C1GALT1: variants seen among roughly 807,000 people sequenced by gnomAD.
The protein encoded by C1GALT1 is core 1 synthase, glycoprotein-N-acetylgalactosamine 3-beta-galactosyltransferase 1, also known as glycoprotein-N-acetylgalactosamine 3-beta-galactosyltransferase 1.
C1GALT1 carries 11 observed loss-of-function variants against 31.0 expected under a neutral mutation model. The ratio of observed to expected loss-of-function variants is 0.36; its 90% CI spans 0.22 to 0.59. The LOEUF (loss-of-function observed/expected upper bound fraction) is 0.59. C1GALT1 is among the 20% of genes least tolerant of loss of function. C1GALT1 has a pLI of 0.79. For missense variants in C1GALT1, 424 were observed against 425.2 expected (o/e 1.00, Z 0.03); for synonymous variants, 175 against 143.6 (o/e 1.22, Z -1.56).
intron 3 of C1GALT1, among the ~76,000 whole-genome samples, chr7:7,240,933 G>T (rs1783598815): frequency 6.6e-6 from 1 of 151,630 alleles, no homozygotes; most frequent in African/African-American, 2.4e-5. Flanking sequence ...AGCAAGTCAG[G>T]GTAAAAGATA....
chr7:7,221,294 AT>A (rs1042013565), intron 1 of C1GALT1, among the ~76,000 whole-genome samples: 1 of 151,676 alleles, frequency 6.6e-6, no homozygotes, highest in African/African-American at 2.4e-5. Flanking sequence ...GAGGTTTTCA[AT>A]TTTCTTACAT....
chr7:7,186,596 T>C (rs1780825715), intron 1 of C1GALT1, among the ~76,000 whole-genome samples: 1 of 152,178 alleles, frequency 6.6e-6, no homozygotes. Flanking sequence ...GATGAATAAG[T>C]AAAATAATAT....
intron 1 of C1GALT1, among the ~76,000 whole-genome samples, chr7:7,228,789 A>G (rs1353022616): frequency 6.6e-6 from 1 of 152,218 alleles, no homozygotes; most frequent in Non-Finnish European, 1.5e-5. Context: ...TTTTAAAGTT[A>G]AAAACAATTA....
At chr7:7,217,974 G>A (rs184830172) in intron 1 of C1GALT1, among the ~76,000 whole-genome samples, 1 of 152,314 alleles carries the variant, frequency 6.6e-6, no homozygotes, top group Non-Finnish European at 1.5e-5. Context: ...ACTGGTGAGA[G>A]AAAGACACAT....
At chr7:7,203,759 C>G (rs1043701726) in intron 1 of C1GALT1, among the ~76,000 whole-genome samples, 1 of 151,826 alleles carries the variant, frequency 6.6e-6, no homozygotes, top group African/African-American at 2.4e-5. Flanking sequence ...TGTTACAGTA[C>G]ATATAATGTA....
chr7:7,221,684 C>T (rs1041465684), intron 1 of C1GALT1, among the ~76,000 whole-genome samples: 1 of 152,168 alleles, frequency 6.6e-6, no homozygotes, highest in South Asian at 2.1e-4. Flanking sequence ...AATGCAAATC[C>T]AAACAAAGTG....
rs141263670 is a variant in C1GALT1, at chr7:7,210,753, T to TAGGGCA, written c.-17-23541_-17-23536dup. On this transcript the variant is annotated intron_variant, in intron 1 of 3. Coordinates refer to ENST00000436587, the MANE Select transcript of C1GALT1 (RefSeq NM_020156.5). ...CGCTCGTCGGGATTCCAGGAACATG[T>TAGGGCA]AGGGCAAGGGCAAGAAGGCTGTGGG... is the stretch of plus-strand genomic sequence containing the variant. Among the ~76,000 whole-genome samples the TAGGGCA allele has an allele frequency of 5.9e-5, 9 of 152,232 alleles. No individual in the cohort carries two copies. In the East Asian group the frequency reaches 1.7e-3, roughly 29 times the overall value.
intron 3 of C1GALT1, among the ~76,000 whole-genome samples, chr7:7,242,326 C>A (rs1287498937): frequency 2.0e-5 from 3 of 148,240 alleles, no homozygotes; most frequent in African/African-American, 7.5e-5. Flanking sequence ...TTCCTATTTG[C>A]TTTTATTCTG....
At chr7:7,162,299 T>C (rs895919456) in intron 2 of C1GALT1, among the ~76,000 whole-genome samples, 3 of 122,884 alleles carry the variant, frequency 2.4e-5, no homozygotes. Flanking sequence ...CAGAGTGTGA[T>C]GTTCCCTTTC....
chr7:7,208,158 C>T (rs10275169), intron 1 of C1GALT1, among the ~76,000 whole-genome samples: 1 of 151,918 alleles, frequency 6.6e-6, no homozygotes, highest in Non-Finnish European at 1.5e-5. Flanking sequence ...TAGGTTGACT[C>T]TCGTGGTATT....
In C1GALT1 at chr7:7,238,523, T is replaced by C; in HGVS notation, c.489T>C (p.Asp163=). Residue 163 remains aspartate, a synonymous_variant, in exon 3 of 4, where the codon GAT becomes GAC. Transcript: ENST00000436587. This position sits in a 1 kb window ranked among gnomAD's most constrained non-coding sequence, Gnocchi z 5.2. ...YVHEHYLEDA[D]WFLKADDDTY... ...ATGAACATTATTTAGAAGATGCTGA[T>C]TGGTTTTTGAAAGCAGATGATGACA... 6.2e-7 allele frequency: 1 copy of C among 1,614,148 alleles called. No individual in the cohort carries two copies. Among genetic ancestry groups the C allele is most frequent in the Non-Finnish European group, 8.5e-7 (1 of 1,179,994 alleles).
chr7:7,165,982 G>A (rs1340174833), intron 2 of C1GALT1, among the ~76,000 whole-genome samples: 6 of 152,146 alleles, frequency 3.9e-5, no homozygotes, highest in African/African-American at 1.4e-4. Flanking sequence ...ATTTCATTAT[G>A]TATATGCAAA....
chr7:7,166,047 T>G (rs1169043215), intron 2 of C1GALT1, among the ~76,000 whole-genome samples: 2 of 152,178 alleles, frequency 1.3e-5, no homozygotes, highest in Non-Finnish European at 2.9e-5. Flanking sequence ...CCCAGGCACT[T>G]GAGATAAGGG....
intron 1 of C1GALT1, among the ~76,000 whole-genome samples, chr7:7,227,803 C>T (rs1782845334): frequency 6.6e-6 from 1 of 152,028 alleles, no homozygotes; most frequent in African/African-American, 2.4e-5. Flanking sequence ...ATGCTCTGTG[C>T]CACCTCAAGA....
At chr7:7,219,174 G>A (rs1460492089) in intron 1 of C1GALT1, among the ~76,000 whole-genome samples, 2 of 152,166 alleles carry the variant, frequency 1.3e-5, no homozygotes, top group Non-Finnish European at 2.9e-5. Context: ...CATGATTTGT[G>A]TTAACAGGTA....
chr7:7,186,876 G>T (rs1026559111), intron 1 of C1GALT1, among the ~76,000 whole-genome samples: 3 of 152,210 alleles, frequency 2.0e-5, no homozygotes, highest in Admixed American at 6.5e-5. Flanking sequence ...AAGGGGTGGA[G>T]TAGGATGCAG....
intron 1 of C1GALT1, among the ~76,000 whole-genome samples, chr7:7,183,248 C>T (rs981173006): frequency 1.3e-5 from 2 of 152,056 alleles, no homozygotes; most frequent in African/African-American, 4.8e-5. Flanking sequence ...CGCCCCGCCG[C>T]AGACCTGTGG....
intron 2 of C1GALT1, among the ~76,000 whole-genome samples, chr7:7,163,936 T>C (rs1780365547): frequency 6.6e-6 from 1 of 151,940 alleles, no homozygotes; most frequent in African/African-American, 2.4e-5. Flanking sequence ...AAGCTACCAA[T>C]GACTTTCTTC....
Position 7,182,644 on chromosome 7 carries a change from T to G in C1GALT1, c.-194T>G, listed in dbSNP as rs1780632599. The G allele has an allele frequency of 3.6e-6, 1 of 278,176 alleles. No homozygotes were observed. Among genetic ancestry groups the G allele is most frequent in the Admixed American group, 6.5e-5 (1 of 15,386 alleles). The allele number at this position is 278,176 out of a possible 1,614,324, so 17.2% of individuals were successfully genotyped here. On this transcript the variant is annotated 5_prime_UTR_variant, in exon 1 of 4. Transcript: ENST00000436587. ...GGCGGGAGCGCGCGCTGGGCCCGCC[T>G]TGGCCGCCGCCGCTGTGCTGCCGCT...
Sources: gnomAD v4.1 joint callset for allele counts (sites outside exome capture counted in the v4.1 genomes callset) on GRCh38, gnomAD v4.1.1 for gene constraint, Gnocchi (gnomAD v3.1) non-coding constraint, MANE v1.5 for transcripts, NCBI Gene and HGNC (gene_info 2026-07-23, HGNC 2026-07-21) for gene names.